HESX1: variants seen among roughly 807,000 people sequenced by gnomAD.
HESX1 encodes HESX homeobox 1.
HESX1 carries 11 observed loss-of-function variants against 22.5 expected under a neutral mutation model. The ratio of observed to expected loss-of-function variants is 0.49; its 90% CI spans 0.31 to 0.81. The LOEUF is 0.81. Ranked by LOEUF, HESX1 falls within the 30% of genes least tolerant of loss-of-function variation. The pLI is 0.05. For synonymous variants in HESX1, 74 were observed against 76.5 expected (o/e 0.97, Z 0.17); for missense variants, 201 against 212.6 (o/e 0.95, Z 0.34).
chr3:57,225,825 C>T (rs2060639265), intron 1 of HESX1, among the ~76,000 whole-genome samples: 1 of 151,586 alleles, frequency 6.6e-6, no homozygotes, highest in Non-Finnish European at 1.5e-5. Context: ...AATTTTTCAT[C>T]GGAATTATTT....
chr3:57,201,961 C>T (rs1286903216), upstream of HESX1, among the ~76,000 whole-genome samples: 4 of 151,958 alleles, frequency 2.6e-5, no homozygotes, highest in Non-Finnish European at 4.4e-5. Context: ...CTCTGTCGCC[C>T]AGGCTGGAGT....
intron 2 of HESX1, 93 bp from the exon 3 acceptor site, chr3:57,198,585 T>A: frequency 2.0e-6 from 2 of 1,022,340 alleles, no homozygotes; most frequent in South Asian, 2.7e-5. Context: ...TGGCAATTAA[T>A]CTGGATGCCT....
At chr3:57,212,655 G>A (rs1001185129) in intron 1 of HESX1, among the ~76,000 whole-genome samples, 21 of 151,772 alleles carry the variant, frequency 1.4e-4, no homozygotes, top group Admixed American at 6.6e-4. Flanking sequence ...ACAGTACATG[G>A]AGAAAAATAT....
At chr3:57,210,959 C>G (rs1055682094) in intron 1 of HESX1, among the ~76,000 whole-genome samples, 1 of 152,120 alleles carries the variant, frequency 6.6e-6, no homozygotes, top group Non-Finnish European at 1.5e-5. Flanking sequence ...TGGCTCATGC[C>G]TATAATCTCA....
chr3:57,227,386 C>A (rs1457047768), upstream of HESX1, among the ~76,000 whole-genome samples: 1 of 152,222 alleles, frequency 6.6e-6, no homozygotes, highest in African/African-American at 2.4e-5. Context: ...TAAAAGGCGC[C>A]AGCAGTAGGA....
At position 57,198,246 on chromosome 3, in the gene HESX1, G is replaced by A. The variant is rs28936703; in HGVS notation, c.509C>T (p.Ser170Leu). Residue 170 changes from serine to leucine, a missense_variant, in exon 4 of 4, where the codon TCA (serine) becomes TTA (leucine). Ser to Leu is a moderately radical substitution (Grantham distance 145, BLOSUM62 -2). Coordinates refer to ENST00000295934, the MANE Select transcript of HESX1 (RefSeq NM_003865.3). ...RAKLKRSHRE[S>L]QFLMAKKNFN... ...ATTTTTTTTCGCCATTAGAAACTGT[G>A]ATTCTCTATGGGACCTTTTCAGTTT... The A allele has an allele frequency of 6.1e-5, 98 of 1,613,136 alleles. No homozygotes were observed. Among genetic ancestry groups the A allele is most frequent in the Non-Finnish European group, 7.8e-5 (92 of 1,179,454 alleles).
intron 2 of HESX1, 74 bp from the exon 3 acceptor site, chr3:57,198,566 T>C: frequency 1.0e-5 from 11 of 1,090,584 alleles, no homozygotes; most frequent in Non-Finnish European, 1.5e-5. Context: ...AATGACTACA[T>C]TTAAATCTTG....
At chr3:57,227,557 C>T (rs1371326296), upstream of HESX1, among the ~76,000 whole-genome samples, 1 of 152,222 alleles carries the variant, frequency 6.6e-6, no homozygotes, top group African/African-American at 2.4e-5. Flanking sequence ...GCAGGGAAGG[C>T]CATCCCAGGG....
At chr3:57,226,929 G>A (rs1033665498), upstream of HESX1, among the ~76,000 whole-genome samples, 4 of 152,152 alleles carry the variant, frequency 2.6e-5, no homozygotes, top group Admixed American at 6.6e-5. Context: ...GCCCTCATCC[G>A]GTCAAATTCC....
intron 1 of HESX1, among the ~76,000 whole-genome samples, chr3:57,216,049 T>C (rs988852377): frequency 1.3e-5 from 2 of 152,218 alleles, no homozygotes; most frequent in Non-Finnish European, 2.9e-5. Flanking sequence ...TTTCCTCCTA[T>C]ATAATCACAA....
chr3:57,225,779 A>G (rs2060638909), intron 1 of HESX1, among the ~76,000 whole-genome samples: 1 of 152,210 alleles, frequency 6.6e-6, no homozygotes, highest in Non-Finnish European at 1.5e-5. Context: ...ATTTAACTTG[A>G]CAATACCACA....
chr3:57,199,666 G>T, intron 1 of HESX1, 96 bp downstream of exon 1: 3 of 919,522 alleles, frequency 3.3e-6, no homozygotes, highest in Non-Finnish European at 3.4e-6. Flanking sequence ...TTAAATTAAA[G>T]TCCTAAACTC....
chr3:57,213,646 G>T (rs1458971667), intron 1 of HESX1, among the ~76,000 whole-genome samples: 1 of 152,178 alleles, frequency 6.6e-6, no homozygotes, highest in Non-Finnish European at 1.5e-5. Context: ...TAATTTTCTG[G>T]CCAGGCGCGG....
At chr3:57,201,854 CATATCT>C (rs2060488270), upstream of HESX1, among the ~76,000 whole-genome samples, 1 of 147,736 alleles carries the variant, frequency 6.8e-6, no homozygotes, top group Non-Finnish European at 1.5e-5. Flanking sequence ...CTTGGATTTA[CATATCT>C]ATATCTATCT....
chr3:57,213,656 G>C (rs2060568120), intron 1 of HESX1, among the ~76,000 whole-genome samples: 1 of 152,224 alleles, frequency 6.6e-6, no homozygotes, highest in Admixed American at 6.5e-5. Flanking sequence ...GCCAGGCGCG[G>C]TGGCTCACGC....
At chr3:57,219,833 CTTAAGT>C (rs1176580604) in intron 1 of HESX1, among the ~76,000 whole-genome samples, 2 of 152,170 alleles carry the variant, frequency 1.3e-5, no homozygotes, top group African/African-American at 2.4e-5. Context: ...TGCAGAAGCT[CTTAAGT>C]TTAATGAGAT....
Position 57,198,134 on chromosome 3 carries a change from A to G in HESX1, c.*63T>C, listed in dbSNP as rs1245478750. 3 of 1,029,458 alleles carry G rather than the reference A, an allele frequency of 2.9e-6. No homozygotes were observed. The highest frequency in any genetic ancestry group is 4.6e-6 in the Non-Finnish European group (3 of 655,520). 63.8% of individuals were successfully genotyped at this position (1,029,458 alleles called of 1,614,324 possible). A position where few individuals can be genotyped will look rare whatever the true frequency, so the allele number is the denominator to read the frequency against. On this transcript the variant is annotated 3_prime_UTR_variant, in exon 4 of 4. Coordinates refer to ENST00000295934, the MANE Select transcript of HESX1 (RefSeq NM_003865.3). ...AGAAAACATCACATTTTAACACTTA[A>G]TATTTCCACTGATTCTTCATGCTCT...
At chr3:57,223,386 GT>G (rs1007712933) in intron 1 of HESX1, among the ~76,000 whole-genome samples, 280 of 148,618 alleles carry the variant, frequency 1.9e-3, no homozygotes, top group Non-Finnish European at 2.9e-3. Context: ...TTTCCTAGAA[GT>G]TTTTTTTTTT....
chr3:57,209,577 C>T (rs2060540710), intron 1 of HESX1, among the ~76,000 whole-genome samples: 1 of 149,128 alleles, frequency 6.7e-6, no homozygotes, highest in Non-Finnish European at 1.5e-5. Flanking sequence ...GTGGAGGTTG[C>T]AGTGAGCTGA....
Sources: gnomAD v4.1 joint callset for allele counts (sites outside exome capture counted in the v4.1 genomes callset) on GRCh38, gnomAD v4.1.1 for gene constraint, MANE v1.5 for transcripts, NCBI Gene and HGNC (gene_info 2026-07-23, HGNC 2026-07-21) for gene names.